Variants in MTOR observed in about 807,000 individuals in gnomAD.
MTOR encodes the protein serine/threonine-protein kinase mTOR.
A neutral mutation model predicts 319.8 loss-of-function variants in MTOR; 70 were observed. The ratio of observed to expected loss-of-function variants is 0.22; its 90% CI spans 0.18 to 0.27. MTOR has a LOEUF of 0.27. MTOR is among the 10% of genes least tolerant of loss of function. MTOR has a pLI of 1.00. For missense variants in MTOR, 1,890 were observed against 3,274.4 expected, an observed-to-expected ratio of 0.58 and a Z score of 10.32; for synonymous variants, 1,183 against 1,211.4, an observed-to-expected ratio of 0.98 and a Z score of 0.49.
At position 11,199,288 on chromosome 1, in the gene MTOR, G is replaced by A. The variant is rs1432797129; in HGVS notation, c.4223C>T (p.Pro1408Leu). The change falls in exon 28 of 58, where the codon CCC becomes CTC. Residue 1408 changes from proline (P) to leucine (L), a missense_variant. Pro to Leu is a moderately conservative substitution (Grantham distance 98, BLOSUM62 -3). Transcript: ENST00000361445. The surrounding 1 kb of genome is among the most constrained non-coding windows in gnomAD (Gnocchi z 4.5). The stretch of plus-strand genomic sequence containing the variant: ...GAGAGATTCTAGAATGGCAGGGGTG[G>A]GGCCTTTCTGGAACTCCAGTTCTTT... ...HYKELEFQKG[P>L]TPAILESLIS... 1.2e-6 allele frequency: 2 copies of A among 1,614,004 alleles called. No homozygotes were observed. Among genetic ancestry groups the A allele is most frequent in the South Asian group, 1.1e-5 (1 of 91,090 alleles).
Position 11,213,492 on chromosome 1 carries a change from C to T in MTOR, c.3192G>A (p.Gly1064=), listed in dbSNP as rs1473112764. 9 of 1,613,996 alleles carry T rather than the reference C, an allele frequency of 5.6e-6. No homozygotes were observed. In the Admixed American group the frequency reaches 8.3e-5, roughly 15 times the overall value. ...GGGGCAGGTAGAGCTTAAATTCACC[C>T]CCAAGAGCTACCACAATTTGCTCAA... The part of the protein sequence containing the change: ...LLIEQIVVAL[G]GEFKLYLPQL... The change falls in exon 21 of 58, where the codon GGG becomes GGA. Residue 1064 remains glycine, a synonymous_variant. Coordinates refer to ENST00000361445, the MANE Select transcript of MTOR (RefSeq NM_004958.4).
intron 28 of MTOR, chr1:11,193,857 T>A (rs1168547676): frequency 7.3e-7 from 1 of 1,370,566 alleles, no homozygotes; most frequent in African/African-American, 1.5e-5. Flanking sequence ...CCATTCCTAT[T>A]CTGATTCAAG....
At chr1:11,224,693 T>C (rs1158469193) in intron 19 of MTOR, among the ~76,000 whole-genome samples, 1 of 152,044 alleles carries the variant, frequency 6.6e-6, no homozygotes, top group Non-Finnish European at 1.5e-5. Flanking sequence ...CCAGCAAGCA[T>C]GAAAGAATCA....
chr1:11,132,941 T>C lies in MTOR; in HGVS notation c.5364+139A>G, dbSNP rs573977059. ...AAATGCAGGCTCCCTGGGCCTCTTA[T>C]AGATAGGCTCCAGGGACTCAAGGAG... On this transcript the variant is annotated intron_variant, in intron 38 of 57. Transcript: ENST00000361445. 1.0e-4 allele frequency: 70 copies of C among 701,516 alleles called. No homozygotes were observed. In the Admixed American group the frequency reaches 1.0e-3, roughly 10 times the overall value. 43.5% of individuals were successfully genotyped at this position (701,516 alleles called of 1,614,324 possible). A position where few individuals can be genotyped will look rare whatever the true frequency, so the allele number is the denominator to read the frequency against.
chr1:11,228,953 C>T (rs1269136311), intron 18 of MTOR, 35 bp from the exon 19 acceptor site: 1 of 1,608,210 alleles, frequency 6.2e-7, no homozygotes, highest in South Asian at 1.1e-5. Flanking sequence ...TAGAGCTACA[C>T]ATGGCATGAC....
Position 11,209,305 on chromosome 1 carries a change from G to C in MTOR, c.3801+7C>G, listed in dbSNP as rs558271480. On this transcript the variant is annotated splice_region_variant and intron_variant, in intron 25 of 57. Transcript: ENST00000361445. ...CCTTTCCCAGTCACCTGAAACAATG[G>C]ACTTGCCTTTTGGAGGTTGATGGTG... The C allele has an allele frequency of 3.2e-5, 51 of 1,614,118 alleles. 1 individual carries two copies. The South Asian group carries it at 3.5e-4, about 11-fold the overall frequency.
chr1:11,228,314 G>A (rs1324523621), intron 19 of MTOR, among the ~76,000 whole-genome samples: 5 of 151,940 alleles, frequency 3.3e-5, no homozygotes, highest in Admixed American at 1.3e-4. Flanking sequence ...TTAGCCTCCC[G>A]AGTAGCTGGG....
At chr1:11,223,007 G>A (rs1424605729) in intron 19 of MTOR, among the ~76,000 whole-genome samples, 2 of 151,558 alleles carry the variant, frequency 1.3e-5, no homozygotes, top group African/African-American at 4.9e-5. Context: ...ATACAGTACT[G>A]TAATCTATGA....
intron 20 of MTOR, among the ~76,000 whole-genome samples, chr1:11,213,771 T>G (rs1327293279): frequency 6.6e-6 from 1 of 152,188 alleles, no homozygotes; most frequent in Non-Finnish European, 1.5e-5. Context: ...TTTCCCCAGA[T>G]GCACCAGGCT....
chr1:11,121,242 C>T lies in MTOR; in HGVS notation c.6933+4G>A. 1.2e-6 allele frequency: 2 copies of T among 1,613,028 alleles called. No individual in the cohort carries two copies. The highest frequency in any genetic ancestry group is 1.7e-6 in the Non-Finnish European group (2 of 1,180,004). The stretch of plus-strand genomic sequence containing the variant: ...GCGCAGGTCTGCAGGGCCCAGTGGC[C>T]TACCTCGGAGCTGGGGCTTTTCAGC... On this transcript the variant is annotated splice_donor_region_variant and intron_variant, in intron 49 of 57. Coordinates refer to ENST00000361445, the MANE Select transcript of MTOR (RefSeq NM_004958.4). The surrounding 1 kb of genome is among the most constrained non-coding windows in gnomAD (Gnocchi z 4.9).
At chr1:11,213,363 A>T in intron 21 of MTOR, 36 bp downstream of exon 21, 1 of 1,591,492 alleles carries the variant, frequency 6.3e-7, no homozygotes, top group Non-Finnish European at 8.6e-7. Context: ...AGAGGAAATC[A>T]GAAAATCTCT....
intron 28 of MTOR, chr1:11,189,661 A>G: frequency 6.2e-7 from 1 of 1,614,168 alleles, no homozygotes; most frequent in Non-Finnish European, 8.5e-7. Flanking sequence ...GTGGCTGCAG[A>G]AGCTCTCTAA....
At chr1:11,179,042 C>G (rs1390545808) in intron 28 of MTOR, among the ~76,000 whole-genome samples, 1 of 152,166 alleles carries the variant, frequency 6.6e-6, no homozygotes. Flanking sequence ...CCATGCCCAC[C>G]TTCTTGGTAA....
At chr1:11,258,631 TTC>T (rs1650729805) in intron 2 of MTOR, 38 bp from the exon 3 acceptor site, 1 of 1,502,542 alleles carries the variant, frequency 6.7e-7, no homozygotes, top group Non-Finnish European at 9.2e-7. Context: ...TTTCTAATAA[TTC>T]TCTAACTGTG....
chr1:11,233,358 C>T (rs781679014), intron 15 of MTOR, 40 bp downstream of exon 15: 9 of 1,569,158 alleles, frequency 5.7e-6, no homozygotes, highest in Non-Finnish European at 7.9e-6. Context: ...GTTTCTTTTC[C>T]ACCCTATCTC....
chr1:11,124,548 C>G lies in MTOR; in HGVS notation c.6612G>C (p.Leu2204=), dbSNP rs755689615. The change falls in exon 47 of 58, where the codon CTG becomes CTC. Residue 2204 remains leucine (L), a synonymous_variant. Transcript: ENST00000361445. ...QDERVMQLFG[L]VNTLLANDPT... Reference sequence around the variant, plus strand: ...GGTCATTGGCCAGAAGGGTGTTAACCAGGCCGAAGAGCTGCATCACACGCT... The same window carrying G: ...GGTCATTGGCCAGAAGGGTGTTAACGAGGCCGAAGAGCTGCATCACACGCT... 6.2e-7 allele frequency: 1 copy of G among 1,612,392 alleles called. No individual in the cohort carries two copies. Among genetic ancestry groups the G allele is most frequent in the Non-Finnish European group, 8.5e-7 (1 of 1,178,450 alleles).
chr1:11,227,118 C>T (rs1159872443), intron 19 of MTOR, among the ~76,000 whole-genome samples: 5 of 150,808 alleles, frequency 3.3e-5, no homozygotes, highest in African/African-American at 9.8e-5. Context: ...GCAAACATGG[C>T]GAAACCCTGT....
chr1:11,137,781 T>C (rs1172079308), intron 36 of MTOR, among the ~76,000 whole-genome samples: 3 of 152,202 alleles, frequency 2.0e-5, no homozygotes, highest in Non-Finnish European at 4.4e-5. Flanking sequence ...ATGATACATA[T>C]ACCCATAGCC....
intron 28 of MTOR, among the ~76,000 whole-genome samples, chr1:11,198,069 A>T (rs1263156132): frequency 6.6e-6 from 1 of 152,226 alleles, no homozygotes; most frequent in Non-Finnish European, 1.5e-5. Flanking sequence ...GGTCTCAAAC[A>T]GGTGAGCAAG....
Sources: gnomAD v4.1 joint callset for allele counts (sites outside exome capture counted in the v4.1 genomes callset) on GRCh38, gnomAD v4.1.1 for gene constraint, Gnocchi (gnomAD v3.1) non-coding constraint, MANE v1.5 for transcripts, NCBI Gene and HGNC (gene_info 2026-07-23, HGNC 2026-07-21) for gene names.